Variants in KALRN observed in about 807,000 individuals in gnomAD.
The protein encoded by KALRN is kalirin RhoGEF kinase.
In KALRN, 70 loss-of-function variants were observed where a neutral mutation model predicts 353.7. The ratio of observed to expected loss-of-function variants is 0.20; its 90% CI spans 0.16 to 0.24. The LOEUF (loss-of-function observed/expected upper bound fraction) is 0.24. KALRN is among the 10% of genes least tolerant of loss of function. KALRN has a pLI of 1.00. For synonymous variants in KALRN, 1,391 were observed against 1,434.8 expected, an observed-to-expected ratio of 0.97 and a Z score of 0.69; for missense variants, 2,791 against 3,756.7, an observed-to-expected ratio of 0.74 and a Z score of 6.72.
chr3:124,223,408 C>T (rs2078135309), intron 1 of KALRN, among the ~76,000 whole-genome samples: 1 of 152,124 alleles, frequency 6.6e-6, no homozygotes, highest in African/African-American at 2.4e-5. Flanking sequence ...TACTGGACAC[C>T]ACACGGGTGA....
chr3:124,572,886 A>G (rs995360948), intron 34 of KALRN, among the ~76,000 whole-genome samples: 17 of 151,842 alleles, frequency 1.1e-4, no homozygotes, highest in Non-Finnish European at 1.6e-4. Flanking sequence ...AAAAATTTTT[A>G]AAAAGCCGGG....
chr3:124,503,919 T>G (rs2064908125), intron 33 of KALRN, among the ~76,000 whole-genome samples: 1 of 152,192 alleles, frequency 6.6e-6, no homozygotes, highest in Non-Finnish European at 1.5e-5. Flanking sequence ...TTGATTTATA[T>G]TCCATAGCTT....
Position 124,719,436 on chromosome 3 carries a change from G to A in KALRN, c.8927G>A (p.Ser2976Asn), listed in dbSNP as rs1343390519. 1.2e-6 allele frequency: 2 copies of A among 1,613,782 alleles called. No individual in the cohort carries two copies. Among genetic ancestry groups the A allele is most frequent in the African/African-American group, 2.7e-5 (2 of 74,924 alleles). ...NDVRPIPNVK[S>N]YIVNRVNQGT ...GTGCGGCCTATTCCCAATGTCAAGA[G>A]CTACATTGTCAACCGGGTGAACCAA... is the stretch of plus-strand genomic sequence containing the variant. The change falls in exon 60 of 60, where the codon AGC (serine) becomes AAC (asparagine). Residue 2976 changes from serine (S) to asparagine (N), a missense_variant. Coordinates refer to ENST00000682506, the MANE Select transcript of KALRN (RefSeq NM_001388419.1). The surrounding 1 kb of genome is among the most constrained non-coding windows in gnomAD (Gnocchi z 5.3).
chr3:124,134,820 A>G (rs755716484), intron 1 of KALRN, among the ~76,000 whole-genome samples: 5 of 152,234 alleles, frequency 3.3e-5, no homozygotes, highest in Admixed American at 2.0e-4. Context: ...TCAAAACCAT[A>G]GTGCAATACC....
chr3:124,696,906 T>A (rs544098027), intron 54 of KALRN, among the ~76,000 whole-genome samples: 1 of 152,150 alleles, frequency 6.6e-6, no homozygotes, highest in African/African-American at 2.4e-5. Context: ...TCTGTCTCTA[T>A]CAATTTGTGT....
intron 38 of KALRN, among the ~76,000 whole-genome samples, chr3:124,653,250 G>A (rs977129770): frequency 9.9e-5 from 15 of 152,124 alleles, no homozygotes; most frequent in African/African-American, 3.4e-4. Context: ...GGTTAAATGA[G>A]AGCTCTGTGG....
intron 10 of KALRN, among the ~76,000 whole-genome samples, chr3:124,373,167 A>T: frequency 6.6e-6 from 1 of 152,014 alleles, no homozygotes; most frequent in Non-Finnish European, 1.5e-5. Flanking sequence ...CATCTGAAGG[A>T]TTATCAGAAA....
At chr3:124,349,905 A>T (rs951588509) in intron 10 of KALRN, among the ~76,000 whole-genome samples, 3 of 152,146 alleles carry the variant, frequency 2.0e-5, no homozygotes, top group African/African-American at 7.2e-5. Flanking sequence ...AGAGGGCCAC[A>T]GGTATCCCCT....
rs1396185068 is a variant in KALRN at position 124,724,508 on chromosome 3, A to G, written c.*5038A>G. 6.6e-6 allele frequency: 1 copy of G among 152,122 alleles called. No homozygotes were observed. The highest frequency in any genetic ancestry group is 2.1e-4 in the South Asian group (1 of 4,820). 9.4% of individuals were successfully genotyped at this position (152,122 alleles called of 1,614,324 possible). On this transcript the variant is annotated 3_prime_UTR_variant, in exon 60 of 60. Coordinates refer to ENST00000682506, the MANE Select transcript of KALRN (RefSeq NM_001388419.1). Reference sequence around the variant, plus strand: ...GGATGATTTGATGATGAATGATTAAACCCATGGTGGGCTTAGAGACGACAG... The same window carrying G: ...GGATGATTTGATGATGAATGATTAAGCCCATGGTGGGCTTAGAGACGACAG...
At chr3:124,605,584 A>AGAGAGAGAGAG (rs377624275) in intron 34 of KALRN, among the ~76,000 whole-genome samples, 6 of 132,154 alleles carry the variant, frequency 4.5e-5, no homozygotes, top group Admixed American at 1.5e-4. Context: ...AAAAAAAAAA[A>AGAGAGAGAGAG]AAAGAGAGAG....
At chr3:124,318,273 C>T (rs1174526641) in intron 6 of KALRN, among the ~76,000 whole-genome samples, 1 of 152,168 alleles carries the variant, frequency 6.6e-6, no homozygotes, top group Non-Finnish European at 1.5e-5. Context: ...ACTGTTTGGC[C>T]AGACCTGATC....
Position 124,181,537 on chromosome 3 carries a change from C to G in KALRN, c.74-46453C>G, listed in dbSNP as rs920103262. Among the ~76,000 whole-genome samples the G allele has an allele frequency of 2.0e-5, 3 of 152,172 alleles. No individual in the cohort carries two copies. The South Asian group carries it at 6.2e-4, about 32-fold the overall frequency. Reference sequence around the variant, plus strand: ...TTGGTTCATTATTAGCTCTAATTTACTACGAAATGCATGGCTCTCCCTTTT... The same window carrying G: ...TTGGTTCATTATTAGCTCTAATTTAGTACGAAATGCATGGCTCTCCCTTTT... On this transcript the variant is annotated intron_variant, in intron 1 of 59. Coordinates refer to ENST00000682506, the MANE Select transcript of KALRN (RefSeq NM_001388419.1).
At chr3:124,512,989 C>T (rs866021891) in intron 33 of KALRN, among the ~76,000 whole-genome samples, 21 of 152,052 alleles carry the variant, frequency 1.4e-4, no homozygotes, top group African/African-American at 3.1e-4. Flanking sequence ...GGGTGAGGGA[C>T]GAGCAGGTGC....
At chr3:124,249,839 C>G (rs996021162) in intron 3 of KALRN, among the ~76,000 whole-genome samples, 1 of 152,208 alleles carries the variant, frequency 6.6e-6, no homozygotes, top group African/African-American at 2.4e-5. Flanking sequence ...TCCCCGACTC[C>G]AGCTCTTTGA....
At chr3:124,169,086 T>C (rs1432576511) in intron 1 of KALRN, among the ~76,000 whole-genome samples, 2 of 152,264 alleles carry the variant, frequency 1.3e-5, no homozygotes, top group Admixed American at 1.3e-4. Flanking sequence ...TGTGAGCCTC[T>C]GTTCACTCAT....
At chr3:124,043,529 G>GC (rs1315065934) in intron 1 of KALRN, among the ~76,000 whole-genome samples, 11 of 152,098 alleles carry the variant, frequency 7.2e-5, no homozygotes, top group Non-Finnish European at 1.5e-4. Flanking sequence ...TGGAGGGAAG[G>GC]CAGACCTCAG....
chr3:124,138,018 C>T (rs2066145378), intron 1 of KALRN, among the ~76,000 whole-genome samples: 1 of 152,156 alleles, frequency 6.6e-6, no homozygotes. Flanking sequence ...GCTTAAGGCC[C>T]TGGACATTCC....
chr3:124,719,528 GA>G lies in KALRN; in HGVS notation c.*60del. On this transcript the variant is annotated 3_prime_UTR_variant, in exon 60 of 60. Transcript: ENST00000682506. The surrounding 1 kb of genome is among the most constrained non-coding windows in gnomAD (Gnocchi z 5.3). Reference sequence around the variant, plus strand: ...GTGCAGTGTGAACCAAAGCAAGACTGAATGTGACTGTAAATAATTCTGTTCA... The same window carrying G: ...GTGCAGTGTGAACCAAAGCAAGACTGATGTGACTGTAAATAATTCTGTTCA... 1 of 1,439,802 alleles carries G rather than the reference GA, an allele frequency of 6.9e-7. No individual in the cohort carries two copies. 89.2% of individuals were successfully genotyped at this position (1,439,802 alleles called of 1,614,324 possible).
At chr3:124,657,355 A>T in intron 39 of KALRN, 93 bp from the exon 40 acceptor site, 1 of 807,950 alleles carries the variant, frequency 1.2e-6, no homozygotes, top group Non-Finnish European at 2.1e-6. Context: ...TCACGCAGAG[A>T]GTGTGGGCTT....
Sources: allele counts gnomAD v4.1 joint callset (sites outside exome capture counted in the v4.1 genomes callset), GRCh38; gene constraint gnomAD v4.1.1; non-coding constraint Gnocchi (gnomAD v3.1); transcripts MANE v1.5; gene names NCBI Gene and HGNC (gene_info 2026-07-23, HGNC 2026-07-21).